Variants in AGBL4 observed in about 807,000 individuals in gnomAD.
AGBL4 encodes cytosolic carboxypeptidase 6.
Under a neutral mutation model 66.4 loss-of-function variants are expected in AGBL4, and 58 were observed. The observed-to-expected ratio is 0.87, with a 90% CI of 0.71 to 1.09. The LOEUF is 1.09. Ranked by LOEUF, AGBL4 falls within the 50% of genes least tolerant of loss-of-function variation. The pLI is 0.00. For missense variants in AGBL4, 579 were observed against 631.0 expected, an observed-to-expected ratio of 0.92 and a Z score of 0.88; for synonymous variants, 234 against 222.9, an observed-to-expected ratio of 1.05 and a Z score of -0.44.
chr1:48,602,865 C>T (rs549089043), intron 9 of AGBL4, among the ~76,000 whole-genome samples: 3 of 152,232 alleles, frequency 2.0e-5, no homozygotes, highest in African/African-American at 7.2e-5. Context: ...TTCCCCCTTT[C>T]CCACCTCTCT....
intron 3 of AGBL4, among the ~76,000 whole-genome samples, chr1:49,648,192 G>A (rs1306279955): frequency 6.6e-6 from 1 of 152,014 alleles, no homozygotes; most frequent in Non-Finnish European, 1.5e-5. Flanking sequence ...AGAAATTCTA[G>A]GGATTTAAAC....
chr1:49,695,341 A>G (rs1646963329), intron 3 of AGBL4, among the ~76,000 whole-genome samples: 1 of 152,164 alleles, frequency 6.6e-6, no homozygotes, highest in South Asian at 2.1e-4. Flanking sequence ...GAGGTAATGA[A>G]GAAAATCTCA....
At chr1:49,937,460 G>C (rs917804243) in intron 1 of AGBL4, among the ~76,000 whole-genome samples, 1 of 151,966 alleles carries the variant, frequency 6.6e-6, no homozygotes, top group African/African-American at 2.4e-5. Context: ...GGATACCCAG[G>C]AATTGAACTC....
rs149363639 is a variant in AGBL4, at chr1:49,351,554, A to T, written c.283-105690T>A. Reference sequence around the variant, plus strand: ...TTATTCATAGAAAATTACATCTCAAATATATAAGGTGGGAATGAGATGAGA... The same window carrying T: ...TTATTCATAGAAAATTACATCTCAATTATATAAGGTGGGAATGAGATGAGA... On this transcript the variant is annotated intron_variant, in intron 3 of 13. Transcript: ENST00000371839. Among the ~76,000 whole-genome samples, 1,217 of 152,246 alleles carry T rather than the reference A, an allele frequency of 8.0e-3. 9 individuals are homozygous for T. Among genetic ancestry groups the T allele is most frequent in the Middle Eastern group, 0.031 (9 of 294 alleles).
At chr1:49,492,387 T>C (rs1458866235) in intron 3 of AGBL4, among the ~76,000 whole-genome samples, 1 of 151,876 alleles carries the variant, frequency 6.6e-6, no homozygotes, top group Non-Finnish European at 1.5e-5. Context: ...AATTTAAAAC[T>C]TATGAATTGT....
intron 3 of AGBL4, among the ~76,000 whole-genome samples, chr1:49,507,083 C>A (rs1570903889): frequency 6.6e-6 from 1 of 152,004 alleles, no homozygotes; most frequent in South Asian, 2.1e-4. Context: ...ATTCTGCATT[C>A]TTGGGTGTCC....
At chr1:49,815,687 G>C (rs1645213710) in intron 2 of AGBL4, among the ~76,000 whole-genome samples, 1 of 152,006 alleles carries the variant, frequency 6.6e-6, no homozygotes, top group African/African-American at 2.4e-5. Flanking sequence ...TTTATTGCTT[G>C]TCTTTTGGTT....
intron 3 of AGBL4, among the ~76,000 whole-genome samples, chr1:49,541,017 T>C (rs1651969287): frequency 6.6e-6 from 1 of 152,226 alleles, no homozygotes; most frequent in Non-Finnish European, 1.5e-5. Context: ...ATATGGCTTT[T>C]GTATCATACA....
chr1:48,583,233 C>T (rs927710850), intron 11 of AGBL4, among the ~76,000 whole-genome samples: 8 of 152,178 alleles, frequency 5.3e-5, no homozygotes, highest in African/African-American at 1.9e-4. Flanking sequence ...CTATAACAGC[C>T]CTATCTATCT....
At chr1:49,945,891 A>G (rs914024503) in intron 1 of AGBL4, among the ~76,000 whole-genome samples, 7 of 152,084 alleles carry the variant, frequency 4.6e-5, no homozygotes, top group African/African-American at 7.2e-5. Flanking sequence ...ATGGACAACG[A>G]AAGTGAGCAA....
chr1:49,308,454 T>G (rs1260184468), intron 3 of AGBL4, among the ~76,000 whole-genome samples: 2 of 152,078 alleles, frequency 1.3e-5, no homozygotes. Context: ...AGGAAAAGTA[T>G]GCTGTCAGGG....
intron 6 of AGBL4, among the ~76,000 whole-genome samples, chr1:48,664,909 A>G (rs1646161894): frequency 6.6e-6 from 1 of 152,234 alleles, no homozygotes; most frequent in Non-Finnish European, 1.5e-5. Context: ...TGAAGGATTT[A>G]TCAATGTTTG....
intron 3 of AGBL4, among the ~76,000 whole-genome samples, chr1:49,509,985 G>T (rs1368097132): frequency 6.6e-6 from 1 of 151,988 alleles, no homozygotes; most frequent in Non-Finnish European, 1.5e-5. Flanking sequence ...TTTTATTCAA[G>T]GATGAGCAAA....
intron 3 of AGBL4, among the ~76,000 whole-genome samples, chr1:49,260,855 A>G (rs1182529110): frequency 3.3e-5 from 5 of 151,660 alleles, no homozygotes; most frequent in Non-Finnish European, 5.9e-5. Flanking sequence ...GACACAACCA[A>G]AAAAGAGAAT....
At chr1:49,172,008 A>G (rs1323636230) in intron 4 of AGBL4, among the ~76,000 whole-genome samples, 3 of 152,234 alleles carry the variant, frequency 2.0e-5, no homozygotes, top group Non-Finnish European at 4.4e-5. Flanking sequence ...AGTGGAGCTG[A>G]TATTTAAACT....
intron 3 of AGBL4, among the ~76,000 whole-genome samples, chr1:49,401,143 C>A (rs1271396778): frequency 3.9e-5 from 6 of 152,166 alleles, no homozygotes; most frequent in Non-Finnish European, 8.8e-5. Context: ...TCACGTTCCA[C>A]ATGGCTGGGG....
chr1:48,600,924 T>A (rs1356686289), intron 9 of AGBL4, among the ~76,000 whole-genome samples: 1 of 152,238 alleles, frequency 6.6e-6, no homozygotes, highest in Non-Finnish European at 1.5e-5. Flanking sequence ...GAGCCAGGTC[T>A]GGCCTGGCAG....
At chr1:48,965,142 G>T (rs1283913436) in intron 5 of AGBL4, among the ~76,000 whole-genome samples, 3 of 152,010 alleles carry the variant, frequency 2.0e-5, no homozygotes, top group Non-Finnish European at 2.9e-5. Context: ...AGGTTCTCAG[G>T]TTCTAAGATA....
intron 3 of AGBL4, among the ~76,000 whole-genome samples, chr1:49,357,467 G>A (rs1372613037): frequency 6.6e-6 from 1 of 152,162 alleles, no homozygotes; most frequent in African/African-American, 2.4e-5. Flanking sequence ...GGCCTGCAAT[G>A]GGCTCTGCTG....
Sources: allele counts gnomAD v4.1 joint callset (sites outside exome capture counted in the v4.1 genomes callset), GRCh38; gene constraint gnomAD v4.1.1; transcripts MANE v1.5; gene names NCBI Gene and HGNC (gene_info 2026-07-23, HGNC 2026-07-21).